The following SEMA3C variants were observed in gnomAD, a reference collection of about 807,000 sequenced individuals.
The protein encoded by SEMA3C is semaphorin-3C.
SEMA3C carries 47 observed loss-of-function variants against 89.4 expected under a neutral mutation model. The ratio of observed to expected loss-of-function variants is 0.53; its 90% CI spans 0.42 to 0.67. The LOEUF is 0.67. Among genes scored for constraint, SEMA3C ranks in the 30% least tolerant of loss-of-function variants. SEMA3C has a pLI of 0.00. For synonymous variants in SEMA3C, 310 were observed against 320.2 expected (o/e 0.97, Z 0.34); for missense variants, 839 against 929.1 (o/e 0.90, Z 1.26).
At chr7:80,872,923 G>GAAAAA (rs758696880) in intron 2 of SEMA3C, among the ~76,000 whole-genome samples, 4 of 79,650 alleles carry the variant, frequency 5.0e-5, no homozygotes, top group Non-Finnish European at 8.1e-5. Flanking sequence ...GAATGAGAGT[G>GAAAAA]AAAAAAAAAA....
Position 80,744,663 on chromosome 7 carries a change from T to C in SEMA3C, c.*231A>G. On this transcript the variant is annotated 3_prime_UTR_variant, in exon 18 of 18. Coordinates refer to ENST00000265361, the MANE Select transcript of SEMA3C (RefSeq NM_006379.5). ...GGTGAATAAAGATATAAATAAAATC[T>C]GGGTTAAGTTAAATATATTTATATG... 1.8e-6 allele frequency: 1 copy of C among 547,154 alleles called. No homozygotes were observed. The highest frequency in any genetic ancestry group is 3.2e-5 in the East Asian group (1 of 31,516). 33.9% of individuals were successfully genotyped at this position (547,154 alleles called of 1,614,324 possible).
At chr7:80,817,467 A>C (rs1415147689) in intron 5 of SEMA3C, among the ~76,000 whole-genome samples, 1 of 152,226 alleles carries the variant, frequency 6.6e-6, no homozygotes, top group Non-Finnish European at 1.5e-5. Flanking sequence ...TTTTTAAAAT[A>C]ATTATGTTAA....
At chr7:80,874,725 C>T (rs1791158484) in intron 2 of SEMA3C, among the ~76,000 whole-genome samples, 1 of 152,056 alleles carries the variant, frequency 6.6e-6, no homozygotes, top group African/African-American at 2.4e-5. Context: ...ACCTCGGCCT[C>T]CCAAAGTGCA....
intron 2 of SEMA3C, among the ~76,000 whole-genome samples, chr7:80,838,037 T>C (rs1790173814): frequency 1.3e-5 from 2 of 152,166 alleles, no homozygotes; most frequent in Admixed American, 1.3e-4. Flanking sequence ...TTTTTAATCA[T>C]GGTGAATTAA....
At chr7:80,898,352 C>T (rs1298124188) in intron 2 of SEMA3C, among the ~76,000 whole-genome samples, 3 of 151,666 alleles carry the variant, frequency 2.0e-5, no homozygotes, top group Non-Finnish European at 4.4e-5. Context: ...GGTGACAGAG[C>T]GAGATTTTGT....
chr7:80,834,802 T>A (rs1288152120), intron 2 of SEMA3C, among the ~76,000 whole-genome samples: 1 of 152,194 alleles, frequency 6.6e-6, no homozygotes, highest in African/African-American at 2.4e-5. Flanking sequence ...TATTTGCATA[T>A]AACCTACCCA....
chr7:80,911,507 G>A (rs1792147897), intron 2 of SEMA3C, among the ~76,000 whole-genome samples: 1 of 151,634 alleles, frequency 6.6e-6, no homozygotes, highest in Non-Finnish European at 1.5e-5. Flanking sequence ...ATCAACATGT[G>A]AACAAATTTA....
chr7:80,869,408 C>G (rs1025554629), intron 2 of SEMA3C, among the ~76,000 whole-genome samples: 1 of 152,066 alleles, frequency 6.6e-6, no homozygotes, highest in Non-Finnish European at 1.5e-5. Flanking sequence ...GCTGTGTGCC[C>G]TTTAATATTT....
chr7:80,817,052 T>C (rs1789625057), intron 5 of SEMA3C, among the ~76,000 whole-genome samples: 1 of 152,238 alleles, frequency 6.6e-6, no homozygotes, highest in Non-Finnish European at 1.5e-5. Flanking sequence ...ATCACAGGCA[T>C]GTGGTTTTAA....
At chr7:80,849,671 T>G (rs1302746301) in intron 2 of SEMA3C, among the ~76,000 whole-genome samples, 1 of 152,098 alleles carries the variant, frequency 6.6e-6, no homozygotes, top group Non-Finnish European at 1.5e-5. Flanking sequence ...TATCAGAAGT[T>G]TAAGTATAAA....
chr7:80,849,583 A>G (rs1201159422), intron 2 of SEMA3C, among the ~76,000 whole-genome samples: 1 of 152,168 alleles, frequency 6.6e-6, no homozygotes, highest in Non-Finnish European at 1.5e-5. Flanking sequence ...AATAAACACT[A>G]TAAGTGAGGG....
rs1787760428 is a variant in SEMA3C, at chr7:80,744,793, C to A, written c.*101G>T. The A allele has an allele frequency of 1.5e-6, 2 of 1,335,488 alleles. No individual in the cohort carries two copies. The highest frequency in any genetic ancestry group is 2.1e-6 in the Non-Finnish European group (2 of 945,192). 82.7% of individuals were successfully genotyped at this position (1,335,488 alleles called of 1,614,324 possible). ...TCACTTCAGGAGTAATCACCTTTTT[C>A]AGTAATTCCCCTTGGTAAAGCACAA... On this transcript the variant is annotated 3_prime_UTR_variant, in exon 18 of 18. Coordinates refer to ENST00000265361, the MANE Select transcript of SEMA3C (RefSeq NM_006379.5).
At position 80,754,957 on chromosome 7, in the gene SEMA3C, G is replaced by GTTTTTTTTTTGTTTTTTTTGTTT. The variant is rs1449995090; in HGVS notation, c.1643+3373_1643+3374insAAACAAAAAAAACAAAAAAAAAA. Among the ~76,000 whole-genome samples, 414 of 108,270 alleles carry GTTTTTTTTTTGTTTTTTTTGTTT rather than the reference G, an allele frequency of 3.8e-3. 14 individuals are homozygous for GTTTTTTTTTTGTTTTTTTTGTTT. Among genetic ancestry groups the GTTTTTTTTTTGTTTTTTTTGTTT allele is most frequent in the African/African-American group, 0.014 (383 of 28,240 alleles). 71.0% of individuals were successfully genotyped at this position (108,270 alleles called of 152,430 possible). A position where few individuals can be genotyped will look rare whatever the true frequency, so the allele number is the denominator to read the frequency against. On this transcript the variant is annotated intron_variant, in intron 15 of 17. Transcript: ENST00000265361. ...CATGCCTGGCGAATTGTTTTTTTTT[G>GTTTTTTTTTTGTTTTTTTTGTTT]TTTTTTTTTTTTTTGTATTTTTAGT...
chr7:80,915,369 G>A (rs576433716), intron 2 of SEMA3C, among the ~76,000 whole-genome samples: 12 of 152,242 alleles, frequency 7.9e-5, no homozygotes, highest in Admixed American at 2.6e-4. Context: ...TCCAAATATG[G>A]CTCCTTCGGT....
At chr7:80,856,043 C>A (rs904103879) in intron 2 of SEMA3C, among the ~76,000 whole-genome samples, 2 of 152,004 alleles carry the variant, frequency 1.3e-5, no homozygotes, top group Non-Finnish European at 2.9e-5. Flanking sequence ...GAGATAACAT[C>A]GTTTTTAATA....
chr7:80,777,783 A>C (rs187525953), intron 12 of SEMA3C, among the ~76,000 whole-genome samples: 1 of 152,314 alleles, frequency 6.6e-6, no homozygotes, highest in Non-Finnish European at 1.5e-5. Flanking sequence ...GGTTAATTGA[A>C]AAATAGATTT....
chr7:80,752,993 CA>C (rs1234733017), intron 15 of SEMA3C, among the ~76,000 whole-genome samples: 1 of 152,002 alleles, frequency 6.6e-6, no homozygotes, highest in Non-Finnish European at 1.5e-5. Flanking sequence ...ATTAAACTTA[CA>C]AAGAAAAATT....
intron 15 of SEMA3C, among the ~76,000 whole-genome samples, chr7:80,751,754 C>T (rs1787941470): frequency 1.3e-5 from 2 of 152,138 alleles, no homozygotes; most frequent in South Asian, 4.1e-4. Context: ...AATAAACATA[C>T]TTGTTTCTTA....
At chr7:80,772,888 T>C (rs73370872) in intron 12 of SEMA3C, among the ~76,000 whole-genome samples, 1,587 of 152,236 alleles carry the variant, frequency 0.01, 36 homozygotes, top group African/African-American at 0.037. Context: ...AGAGTCTGGC[T>C]TTCAGATTAC....
Sources: allele counts gnomAD v4.1 joint callset (sites outside exome capture counted in the v4.1 genomes callset), GRCh38; gene constraint gnomAD v4.1.1; transcripts MANE v1.5; gene names NCBI Gene and HGNC (gene_info 2026-07-23, HGNC 2026-07-21).